Variants in LDHAL6A observed in about 807,000 individuals in gnomAD.
LDHAL6A encodes lactate dehydrogenase A like 6A, also known as L-lactate dehydrogenase A-like 6A.
LDHAL6A carries 19 observed loss-of-function variants against 28.2 expected under a neutral mutation model. The ratio of observed to expected loss-of-function variants is 0.67; its 90% CI spans 0.47 to 0.99. The LOEUF (loss-of-function observed/expected upper bound fraction) is 0.99. LDHAL6A is among the 50% of genes least tolerant of loss of function. The pLI, the probability that LDHAL6A is intolerant of heterozygous loss-of-function variation, is 0.00. For missense variants in LDHAL6A, 372 were observed against 398.6 expected (o/e 0.93, Z 0.57); for synonymous variants, 144 against 134.4 (o/e 1.07, Z -0.49).
chr11:18,474,609 TCTCTTGACCTCA>T (rs1255052929), intron 3 of LDHAL6A, among the ~76,000 whole-genome samples: 17 of 151,528 alleles, frequency 1.1e-4, no homozygotes, highest in Non-Finnish European at 2.2e-4. Context: ...ATGGTGTCAA[TCTCTTGACCTCA>T]GGTAATCCAC....
intron 3 of LDHAL6A, chr11:18,475,193 GTATT>G (rs1849341934): frequency 3.1e-6 from 1 of 318,922 alleles, no homozygotes; most frequent in African/African-American, 2.2e-5. Flanking sequence ...TGATAAGAGA[GTATT>G]TGTTTATTCA....
Position 18,467,878 on chromosome 11 carries a change from CACATATATATATATATATATAT to C in LDHAL6A, c.418+2070_418+2091del, listed in dbSNP as rs1849114694. Among the ~76,000 whole-genome samples the C allele has an allele frequency of 1.7e-4, 6 of 36,324 alleles. 1 individual carries two copies. The highest frequency in any genetic ancestry group is 7.3e-4 in the African/African-American group (6 of 8,266). 23.8% of individuals were successfully genotyped at this position (36,324 alleles called of 152,430 possible). A position where few individuals can be genotyped will look rare whatever the true frequency, so the allele number is the denominator to read the frequency against. On this transcript the variant is annotated intron_variant, in intron 3 of 6. Coordinates refer to ENST00000280706, the MANE Select transcript of LDHAL6A (RefSeq NM_144972.5). ...CTCAAAAAAAATATATATATATACA[CACATATATATATATATATATAT>C]ATATATATATATATATATACACACA...
rs1488537627 is a variant in LDHAL6A at position 18,456,754 on chromosome 11, T to C, written c.74T>C (p.Ile25Thr). The C allele has an allele frequency of 1.9e-6, 3 of 1,613,926 alleles. No individual in the cohort carries two copies. The highest frequency in any genetic ancestry group is 2.2e-5 in the South Asian group (2 of 91,050). The change falls in exon 1 of 7, where the codon ATT (isoleucine) becomes ACT (threonine). Residue 25 changes from isoleucine to threonine, a missense_variant. Physicochemically the swap from Ile to Thr is moderately conservative, Grantham distance 89 (BLOSUM62 -1). Transcript: ENST00000280706. ...GCCATTCATCACAATAAGATCTCCA[T>C]TGTAGGAACTGGATCGGTTGGTGTG... ...EEAIHHNKISIVGTGSVGVAC... is the reference protein window; with the variant it reads ...EEAIHHNKISTVGTGSVGVAC...
chr11:18,478,595 C>G, intron 6 of LDHAL6A, 111 bp from the exon 7 acceptor site: 1 of 836,826 alleles, frequency 1.2e-6, no homozygotes, highest in Non-Finnish European at 1.9e-6. Context: ...CCTTGGTACT[C>G]TGCCATAGTT....
intron 3 of LDHAL6A, among the ~76,000 whole-genome samples, chr11:18,467,992 C>CACAT (rs1565071530): frequency 0.024 from 1,215 of 50,524 alleles, 192 homozygotes; most frequent in African/African-American, 0.11. Context: ...TATATATATG[C>CACAT]ATATATATAC....
chr11:18,469,406 G>T (rs572297611), intron 3 of LDHAL6A, among the ~76,000 whole-genome samples: 2 of 152,202 alleles, frequency 1.3e-5, no homozygotes, highest in Non-Finnish European at 2.9e-5. Flanking sequence ...TCCCACCACA[G>T]ATTTTAGAAG....
At chr11:18,477,789 G>A (rs1185576567) in intron 6 of LDHAL6A, 46 bp downstream of exon 6, 2 of 1,549,730 alleles carry the variant, frequency 1.3e-6, no homozygotes, top group Admixed American at 2.0e-5. Flanking sequence ...CATAAAATAG[G>A]GGGGTAAAGA....
chr11:18,463,881 C>A, intron 1 of LDHAL6A, 80 bp from the exon 2 acceptor site: 1 of 833,296 alleles, frequency 1.2e-6, no homozygotes, highest in Non-Finnish European at 2.1e-6. Flanking sequence ...AGACATAGAT[C>A]ACCAATATAA....
intron 3 of LDHAL6A, chr11:18,468,852 A>G (rs1192299543): frequency 5.0e-6 from 1 of 200,234 alleles, no homozygotes; most frequent in Non-Finnish European, 9.9e-6. Flanking sequence ...ATTTATTTAT[A>G]TATTTAACTG....
Position 18,478,689 on chromosome 11 carries a change from T to G in LDHAL6A, c.835-17T>G, listed in dbSNP as rs763781021. The G allele has an allele frequency of 1.3e-6, 2 of 1,586,948 alleles. No homozygotes were observed. The highest frequency in any genetic ancestry group is 8.6e-7 in the Non-Finnish European group (1 of 1,166,300). On this transcript the variant is annotated splice_polypyrimidine_tract_variant and intron_variant, in intron 6 of 6. Coordinates refer to ENST00000280706, the MANE Select transcript of LDHAL6A (RefSeq NM_144972.5). ...ACTTTGTTAAAAAAGGAATAATTTT[T>G]AAGTCTTTACTTTCAGGGCCTCTAT...
intron 3 of LDHAL6A, among the ~76,000 whole-genome samples, chr11:18,471,861 T>G (rs1017049870): frequency 6.6e-6 from 1 of 151,030 alleles, no homozygotes; most frequent in African/African-American, 2.4e-5. Context: ...ATTTAGGATT[T>G]TTTTTTTTTT....
rs1249651937 is a variant in LDHAL6A at position 18,456,029 on chromosome 11, T to A, written c.-652T>A. 2.6e-5 allele frequency: 4 copies of A among 152,636 alleles called. No individual in the cohort carries two copies. Among genetic ancestry groups the A allele is most frequent in the Non-Finnish European group, 5.9e-5 (4 of 68,348 alleles). The allele number at this position is 152,636 out of a possible 1,614,324, so 9.5% of individuals were successfully genotyped here. On this transcript the variant is annotated 5_prime_UTR_variant, in exon 1 of 7. Coordinates refer to ENST00000280706, the MANE Select transcript of LDHAL6A (RefSeq NM_144972.5). Reference sequence around the variant, plus strand: ...GTCGGCGGTTCATCTCCTTCGTGCCTCGATGAGCTTTAACGCCATTTTCCT... The same window carrying A: ...GTCGGCGGTTCATCTCCTTCGTGCCACGATGAGCTTTAACGCCATTTTCCT...
chr11:18,467,878 CACATATATATATATATATAT>C (rs1849114645), intron 3 of LDHAL6A, among the ~76,000 whole-genome samples: 2 of 36,326 alleles, frequency 5.5e-5, no homozygotes, highest in East Asian at 1.2e-3. Context: ...TATATATACA[CACATATATATATATATATAT>C]ATATATATAT....
In LDHAL6A at chr11:18,455,860, C is replaced by T. The variant is rs1848737584; in HGVS notation, c.-821C>T. On this transcript the variant is annotated 5_prime_UTR_variant, in exon 1 of 7. Transcript: ENST00000280706. ...AGGCGCGGTGCTTCGCAGCCCGCTT[C>T]CGGCCTCACACCTGCCAAGCATCAC... 1 of 151,906 alleles carries T rather than the reference C, an allele frequency of 6.6e-6. No homozygotes were observed. Among genetic ancestry groups the T allele is most frequent in the African/African-American group, 2.4e-5 (1 of 41,270 alleles). 9.4% of individuals were successfully genotyped at this position (151,906 alleles called of 1,614,324 possible). A position where few individuals can be genotyped will look rare whatever the true frequency, so the allele number is the denominator to read the frequency against.
rs931437091 is a variant in LDHAL6A at position 18,474,025 on chromosome 11, T to C, written c.419-1441T>C. 2.6e-5 allele frequency among the ~76,000 whole-genome samples: 4 copies of C among 152,220 alleles called. No individual in the cohort carries two copies. The East Asian group carries it at 7.7e-4, about 29-fold the overall frequency. ...TAATATGTTGACAGATTTTTTGATA[T>C]TGAACCACCTTTGCATTTCTGGGGT... On this transcript the variant is annotated intron_variant, in intron 3 of 6. Transcript: ENST00000280706.
At chr11:18,473,883 A>C (rs1849304633) in intron 3 of LDHAL6A, among the ~76,000 whole-genome samples, 1 of 152,134 alleles carries the variant, frequency 6.6e-6, no homozygotes, top group Non-Finnish European at 1.5e-5. Flanking sequence ...ATACCTTTTT[A>C]AGATAAAAAG....
intron 1 of LDHAL6A, among the ~76,000 whole-genome samples, chr11:18,459,234 C>A (rs192072883): frequency 1.3e-5 from 2 of 152,252 alleles, no homozygotes; most frequent in East Asian, 3.9e-4. Flanking sequence ...GCTGCCAGCA[C>A]GTCTAGGATA....
Position 18,479,337 on chromosome 11 carries a change from T to C in LDHAL6A, c.*467T>C. The stretch of plus-strand genomic sequence containing the variant: ...CACTTTTTTTTTTTTTTTTTTAAAG[T>C]GACGGCATCAAAGATGTTTTTGGTA... On this transcript the variant is annotated 3_prime_UTR_variant, in exon 7 of 7. Transcript: ENST00000280706. 6.6e-6 allele frequency: 1 copy of C among 150,972 alleles called. No homozygotes were observed. Among genetic ancestry groups the C allele is most frequent in the East Asian group, 1.9e-4 (1 of 5,170 alleles). 9.4% of individuals were successfully genotyped at this position (150,972 alleles called of 1,614,324 possible). A position where few individuals can be genotyped will look rare whatever the true frequency, so the allele number is the denominator to read the frequency against.
Position 18,464,530 on chromosome 11 carries a change from C to G in LDHAL6A, c.244+452C>G, listed in dbSNP as rs192026356. ...GGGAGTTCGAGACCAGCCTGACTAA[C>G]ATACAGAAACCCTGTCTCTATTAAA... is the stretch of plus-strand genomic sequence containing the variant. On this transcript the variant is annotated intron_variant, in intron 2 of 6. Transcript: ENST00000280706. Among the ~76,000 whole-genome samples, 4 of 152,198 alleles carry G rather than the reference C, an allele frequency of 2.6e-5. No homozygotes were observed. The East Asian group carries it at 7.7e-4, about 29-fold the overall frequency.
Sources: gnomAD v4.1 joint callset for allele counts (sites outside exome capture counted in the v4.1 genomes callset) on GRCh38, gnomAD v4.1.1 for gene constraint, MANE v1.5 for transcripts, NCBI Gene and HGNC (gene_info 2026-07-23, HGNC 2026-07-21) for gene names.